The following ULK4 variants were observed in gnomAD, a reference collection of about 807,000 sequenced individuals.
ULK4 encodes the protein inactive serine/threonine-protein kinase ULK4.
ULK4 carries 133 observed loss-of-function variants against 160.6 expected under a neutral mutation model. The ratio of observed to expected loss-of-function variants is 0.83; its 90% CI spans 0.72 to 0.96. The LOEUF (loss-of-function observed/expected upper bound fraction) is 0.96. Among genes scored for constraint, ULK4 ranks in the 40% least tolerant of loss-of-function variants. The pLI is 0.00. For synonymous variants in ULK4, 534 were observed against 539.8 expected (o/e 0.99, Z 0.15); for missense variants, 1,580 against 1,499.5 (o/e 1.05, Z -0.89).
intron 6 of ULK4, 70 bp downstream of exon 6, chr3:41,919,647 T>C: frequency 4.7e-6 from 6 of 1,284,190 alleles, no homozygotes; most frequent in Non-Finnish European, 4.4e-6. Flanking sequence ...AGGTAAAACA[T>C]CTGCAAAGTA....
intron 2 of ULK4, among the ~76,000 whole-genome samples, chr3:41,944,106 C>G (rs926873153): frequency 1.3e-5 from 2 of 152,114 alleles, no homozygotes; most frequent in African/African-American, 4.8e-5. Flanking sequence ...TCAACGTAAC[C>G]CCGTGGCACC....
chr3:41,932,127 A>T, intron 4 of ULK4, 121 bp from the exon 5 acceptor site: 1 of 790,654 alleles, frequency 1.3e-6, no homozygotes, highest in Non-Finnish European at 1.8e-6. Context: ...AGAACTCAGA[A>T]AAATAAATGC....
Position 41,907,846 on chromosome 3 carries a change from T to C in ULK4, c.1181A>G (p.Lys394Arg). 1 of 1,568,716 alleles carries C rather than the reference T, an allele frequency of 6.4e-7. No individual in the cohort carries two copies. ...CSPQKTSPLTKITSGHLSQQD... is the reference protein window; with the variant it reads ...CSPQKTSPLTRITSGHLSQQD... ...AGAAAATTTCCCAAGTCTGCTCACCTTGGTCAGAGGAGAAGTCTTCTGTGG... is the reference window on the plus strand; with the variant it reads ...AGAAAATTTCCCAAGTCTGCTCACCCTGGTCAGAGGAGAAGTCTTCTGTGG... The change falls in exon 12 of 37, where the codon AAG (lysine) becomes AGG (arginine). Residue 394 changes from lysine (K) to arginine (R), a missense_variant and splice_region_variant. Transcript: ENST00000301831.
intron 32 of ULK4, among the ~76,000 whole-genome samples, chr3:41,491,716 T>G (rs1233302291): frequency 6.6e-6 from 1 of 152,118 alleles, no homozygotes; most frequent in Non-Finnish European, 1.5e-5. Context: ...TTTATTCATT[T>G]GCTTTATTTT....
chr3:41,375,709 C>G (rs2081474452), intron 35 of ULK4, among the ~76,000 whole-genome samples: 1 of 150,312 alleles, frequency 6.7e-6, no homozygotes, highest in South Asian at 2.2e-4. Context: ...CCATTCAGGA[C>G]ACAGGCATGG....
At chr3:41,827,573 T>C (rs1396068179) in intron 18 of ULK4, among the ~76,000 whole-genome samples, 6 of 151,952 alleles carry the variant, frequency 3.9e-5, no homozygotes, top group Admixed American at 6.6e-5. Context: ...TTCCTCGACA[T>C]ATACACCCTC....
rs1372108623 is a variant in ULK4 at position 41,800,241 on chromosome 3, G to A, written c.1901C>T (p.Thr634Ile). 6.2e-7 allele frequency: 1 copy of A among 1,613,214 alleles called. No individual in the cohort carries two copies. Among genetic ancestry groups the A allele is most frequent in the Non-Finnish European group, 8.5e-7 (1 of 1,179,790 alleles). The change falls in exon 20 of 37, where the codon ACC becomes ATC. Residue 634 changes from threonine (T) to isoleucine (I), a missense_variant. Coordinates refer to ENST00000301831, the MANE Select transcript of ULK4 (RefSeq NM_017886.4). ...MAAKIIENVC[T>I]TFSAQSQGFI... ...GCCCTGGGACTGAGCAGAAAAGGTG[G>A]TACAGACATTTTCAATAATTTTTGC...
chr3:41,289,294 C>G (rs139662971), intron 35 of ULK4, among the ~76,000 whole-genome samples: 4 of 152,272 alleles, frequency 2.6e-5, no homozygotes, highest in Non-Finnish European at 4.4e-5. Flanking sequence ...ACTGAGTTTA[C>G]TGGCTCAGGT....
intron 27 of ULK4, among the ~76,000 whole-genome samples, chr3:41,686,490 G>C (rs963569295): frequency 6.6e-6 from 1 of 152,166 alleles, no homozygotes; most frequent in Non-Finnish European, 1.5e-5. Flanking sequence ...TTATGTGTGT[G>C]TGTGTGTAAG....
intron 12 of ULK4, among the ~76,000 whole-genome samples, chr3:41,902,215 A>G (rs1341237721): frequency 9.2e-5 from 14 of 152,226 alleles, no homozygotes; most frequent in Non-Finnish European, 1.5e-5. Flanking sequence ...TGGATAAAGG[A>G]ACAGAGGAGT....
chr3:41,574,244 C>A (rs2088103677), intron 31 of ULK4, among the ~76,000 whole-genome samples: 1 of 152,154 alleles, frequency 6.6e-6, no homozygotes, highest in African/African-American at 2.4e-5. Context: ...TCTCCCTTTG[C>A]CTTCACACTT....
chr3:41,577,955 AT>A (rs1019712793), intron 31 of ULK4, among the ~76,000 whole-genome samples: 3 of 152,318 alleles, frequency 2.0e-5, no homozygotes, highest in African/African-American at 4.8e-5. Flanking sequence ...GGAGCTGCAC[AT>A]TTGGTTGCCC....
chr3:41,925,222 T>C (rs1699336240), intron 5 of ULK4, among the ~76,000 whole-genome samples: 1 of 152,212 alleles, frequency 6.6e-6, no homozygotes, highest in Non-Finnish European at 1.5e-5. Context: ...TCACTGGGAC[T>C]GGTTGGACAG....
chr3:41,307,600 G>T (rs1003848341), intron 35 of ULK4, among the ~76,000 whole-genome samples: 2 of 152,144 alleles, frequency 1.3e-5, no homozygotes, highest in Admixed American at 1.3e-4. Flanking sequence ...GCCAAGGCAG[G>T]AGGATTCCTT....
At chr3:41,492,560 CA>C (rs1458575673) in intron 32 of ULK4, among the ~76,000 whole-genome samples, 2 of 148,012 alleles carry the variant, frequency 1.4e-5, no homozygotes, top group East Asian at 3.9e-4. Context: ...ATGACAGGAT[CA>C]AATCCACACA....
intron 35 of ULK4, among the ~76,000 whole-genome samples, chr3:41,264,550 C>T (rs887092476): frequency 2.0e-5 from 3 of 152,180 alleles, no homozygotes; most frequent in African/African-American, 7.2e-5. Flanking sequence ...TCTGAGCAAA[C>T]AGGAGAAGAG....
chr3:41,481,270 C>T (rs985401897), intron 32 of ULK4, among the ~76,000 whole-genome samples: 2 of 152,128 alleles, frequency 1.3e-5, no homozygotes, highest in African/African-American at 4.8e-5. Flanking sequence ...TTAATTTAAA[C>T]TGCAGTGTCT....
chr3:41,805,296 G>T (rs556007072), intron 19 of ULK4, among the ~76,000 whole-genome samples: 3 of 152,068 alleles, frequency 2.0e-5, no homozygotes. Flanking sequence ...TCTGTTATTG[G>T]TGTATAAGAA....
chr3:41,364,510 A>G (rs573174917), intron 35 of ULK4, among the ~76,000 whole-genome samples: 2 of 152,190 alleles, frequency 1.3e-5, no homozygotes, highest in Admixed American at 6.5e-5. Context: ...TATTAAATCA[A>G]TATTTTTTTT....
Sources: allele counts gnomAD v4.1 joint callset (sites outside exome capture counted in the v4.1 genomes callset), GRCh38; gene constraint gnomAD v4.1.1; transcripts MANE v1.5; gene names NCBI Gene and HGNC (gene_info 2026-07-23, HGNC 2026-07-21).